ZC3H12C: variants seen among roughly 807,000 people sequenced by gnomAD.
The protein encoded by ZC3H12C is probable ribonuclease ZC3H12C.
A neutral mutation model predicts 76.3 loss-of-function variants in ZC3H12C; 20 were observed. The observed-to-expected ratio is 0.26, with a 90% confidence interval of 0.18 to 0.38. The LOEUF (loss-of-function observed/expected upper bound fraction) is 0.38, where lower values mean the gene tolerates loss of function less well. Among genes scored for constraint, ZC3H12C ranks in the 10% least tolerant of loss-of-function variants. The probability of loss-of-function intolerance (pLI) is 1.00; values close to 1 mark genes in which losing one functional copy is unlikely to be tolerated. For synonymous variants in ZC3H12C, 352 were observed against 399.6 expected (o/e 0.88, Z 1.42); for missense variants, 874 against 1,086.5 (o/e 0.80, Z 2.75).
At chr11:110,154,932 G>T (rs1322428082) in intron 3 of ZC3H12C, among the ~76,000 whole-genome samples, 1 of 147,262 alleles carries the variant, frequency 6.8e-6, no homozygotes, top group African/African-American at 2.5e-5. Flanking sequence ...AAGAAAAAAA[G>T]TTCAACCCCA....
chr11:110,168,206 C>T lies in ZC3H12C; in HGVS notation c.*2469C>T, dbSNP rs1258553602. On this transcript the variant is annotated 3_prime_UTR_variant, in exon 6 of 6. Coordinates refer to ENST00000278590, the MANE Select transcript of ZC3H12C (RefSeq NM_033390.2). The stretch of plus-strand genomic sequence containing the variant: ...TTTAAATTATGGGAAAATAGTGTAG[C>T]CAGCTGCCACCTCTACTGAAGTGAG... 1.3e-5 allele frequency: 2 copies of T among 152,038 alleles called. No homozygotes were observed. Among genetic ancestry groups the T allele is most frequent in the Admixed American group, 1.3e-4 (2 of 15,258 alleles). 9.4% of individuals were successfully genotyped at this position (152,038 alleles called of 1,614,324 possible).
At chr11:110,118,053 T>TTA (rs886546174) in intron 1 of ZC3H12C, among the ~76,000 whole-genome samples, 1 of 74,394 alleles carries the variant, frequency 1.3e-5, no homozygotes, top group African/African-American at 5.1e-5. Flanking sequence ...CACATATATA[T>TTA]TATATATATA....
chr11:110,094,574 A>G (rs74840329), intron 1 of ZC3H12C, among the ~76,000 whole-genome samples: 3,858 of 152,364 alleles, frequency 0.025, 75 homozygotes, highest in Non-Finnish European at 0.039. Flanking sequence ...TAATGGACTT[A>G]GGATTTAGAG....
intron 1 of ZC3H12C, among the ~76,000 whole-genome samples, chr11:110,101,255 GT>G (rs1861208741): frequency 6.6e-6 from 1 of 152,168 alleles, no homozygotes; most frequent in African/African-American, 2.4e-5. Flanking sequence ...GGTTCGTGAA[GT>G]TTAAGGAAAA....
At chr11:110,093,470 G>A (rs1335459430) in intron 1 of ZC3H12C, 38 bp downstream of exon 1, 2 of 1,194,290 alleles carry the variant, frequency 1.7e-6, no homozygotes, top group Non-Finnish European at 2.1e-6. Context: ...CGCGGACCGC[G>A]GCGAGAGTGG....
intron 1 of ZC3H12C, chr11:110,135,801 A>G (rs1430675196): frequency 6.9e-6 from 1 of 145,296 alleles, no homozygotes; most frequent in African/African-American, 2.5e-5. Context: ...ATTATCTAAT[A>G]TGCCTAATTG....
In ZC3H12C at chr11:110,164,300, G is replaced by T; in HGVS notation, c.1256-41G>T. The T allele has an allele frequency of 6.7e-7, 1 of 1,498,512 alleles. No homozygotes were observed. The allele number at this position is 1,498,512 out of a possible 1,614,324, so 92.8% of individuals were successfully genotyped here. A position where few individuals can be genotyped will look rare whatever the true frequency, so the allele number is the denominator to read the frequency against. On this transcript the variant is annotated intron_variant, in intron 5 of 5. Transcript: ENST00000278590. The surrounding 1 kb of genome is among the most constrained non-coding windows in gnomAD (Gnocchi z 5.7). ...GGGCCAAACTGAGTTTTCAGGATCT[G>T]ATGGTATGCTCCTTTGCCTAATTAA...
chr11:110,161,440 G>T (rs1310024723), intron 4 of ZC3H12C, among the ~76,000 whole-genome samples: 1 of 152,176 alleles, frequency 6.6e-6, no homozygotes. Flanking sequence ...ATGAACGAAT[G>T]ACATCAAGCA....
At position 110,099,178 on chromosome 11, in the gene ZC3H12C, A is replaced by G. The variant is rs565419246; in HGVS notation, c.21+5746A>G. On this transcript the variant is annotated intron_variant, in intron 1 of 5. Coordinates refer to ENST00000278590, the MANE Select transcript of ZC3H12C (RefSeq NM_033390.2). ...TTTTTCCCAGTATTTTAATATTATA[A>G]TGCTTTAGTTGACTAGCCCAGTGAA... Among the ~76,000 whole-genome samples, 26 of 152,304 alleles carry G rather than the reference A, an allele frequency of 1.7e-4. No homozygotes were observed. In the South Asian group the frequency reaches 2.5e-3, roughly 15 times the overall value.
chr11:110,144,326 C>T (rs376647989), intron 2 of ZC3H12C, among the ~76,000 whole-genome samples: 12 of 152,180 alleles, frequency 7.9e-5, no homozygotes, highest in Non-Finnish European at 1.3e-4. Flanking sequence ...CGATATGCCA[C>T]GCACTTGGCT....
intron 2 of ZC3H12C, among the ~76,000 whole-genome samples, chr11:110,150,299 A>C (rs1459415956): frequency 6.6e-6 from 1 of 152,070 alleles, no homozygotes; most frequent in East Asian, 1.9e-4. Context: ...CCATAAAAAT[A>C]GTATATTGTT....
intron 2 of ZC3H12C, among the ~76,000 whole-genome samples, chr11:110,140,075 G>T (rs1302255699): frequency 6.6e-6 from 1 of 152,142 alleles, no homozygotes; most frequent in Non-Finnish European, 1.5e-5. Context: ...GCCAAGGCAG[G>T]TGGATCACTT....
chr11:110,105,645 T>G (rs1861309007), intron 1 of ZC3H12C, among the ~76,000 whole-genome samples: 1 of 152,134 alleles, frequency 6.6e-6, no homozygotes, highest in African/African-American at 2.4e-5. Flanking sequence ...TTATAATTCT[T>G]TTTTTCATCT....
At chr11:110,148,856 GC>G (rs1265576714) in intron 2 of ZC3H12C, among the ~76,000 whole-genome samples, 4 of 152,158 alleles carry the variant, frequency 2.6e-5, no homozygotes, top group African/African-American at 9.7e-5. Flanking sequence ...TAGTTCATTT[GC>G]ATCAGTAGCT....
chr11:110,099,536 A>G (rs531167496), intron 1 of ZC3H12C, among the ~76,000 whole-genome samples: 1 of 152,322 alleles, frequency 6.6e-6, no homozygotes, highest in East Asian at 1.9e-4. Context: ...AAATCTCCTT[A>G]CTGAGAAATA....
Position 110,164,293 on chromosome 11 carries a change from A to G in ZC3H12C, c.1256-48A>G, listed in dbSNP as rs1396899554. 1 of 1,476,190 alleles carries G rather than the reference A, an allele frequency of 6.8e-7. No homozygotes were observed. The highest frequency in any genetic ancestry group is 1.4e-5 in the African/African-American group (1 of 70,910). 91.4% of individuals were successfully genotyped at this position (1,476,190 alleles called of 1,614,324 possible). The stretch of plus-strand genomic sequence containing the variant: ...AATCATAGGGCCAAACTGAGTTTTC[A>G]GGATCTGATGGTATGCTCCTTTGCC... On this transcript the variant is annotated intron_variant, in intron 5 of 5. Transcript: ENST00000278590. The surrounding 1 kb of genome is among the most constrained non-coding windows in gnomAD (Gnocchi z 5.7).
chr11:110,151,813 CTT>C (rs1218675715), intron 2 of ZC3H12C, among the ~76,000 whole-genome samples: 4 of 152,124 alleles, frequency 2.6e-5, no homozygotes, highest in African/African-American at 9.7e-5. Context: ...TGTATTTTCT[CTT>C]GTTTGTATTT....
At position 110,164,024 on chromosome 11, in the gene ZC3H12C, C is replaced by G. The variant is rs886879563; in HGVS notation, c.1256-317C>G. Among the ~76,000 whole-genome samples, 3 of 151,826 alleles carry G rather than the reference C, an allele frequency of 2.0e-5. No homozygotes were observed. On this transcript the variant is annotated intron_variant, in intron 5 of 5. Coordinates refer to ENST00000278590, the MANE Select transcript of ZC3H12C (RefSeq NM_033390.2). This position sits in a 1 kb window ranked among gnomAD's most constrained non-coding sequence, Gnocchi z 5.7. ...CCGAGGCATAAGAATTGCTTGAACC[C>G]GAGAGGCAGAGGTTGCAGTGAGCTG...
At position 110,164,991 on chromosome 11, in the gene ZC3H12C, A is replaced by T. The variant is rs1274046571; in HGVS notation, c.1906A>T (p.Ser636Cys). 6.2e-7 allele frequency: 1 copy of T among 1,614,008 alleles called. No individual in the cohort carries two copies. Residue 636 changes from serine (S) to cysteine (C), a missense_variant, in exon 6 of 6, where the codon AGC (serine) becomes TGC (cysteine). Ser to Cys is a moderately radical substitution (Grantham distance 112). Around this residue, in one of 3 missense-constraint regions of ZC3H12C, gnomAD observed 395 missense variants for 434.4 expected, o/e 0.91. Coordinates refer to ENST00000278590, the MANE Select transcript of ZC3H12C (RefSeq NM_033390.2). The surrounding 1 kb of genome is among the most constrained non-coding windows in gnomAD (Gnocchi z 5.7). ...CAGTGAAGGGAGCATGAGCTGTGGGAGCAGTGACTCCTACGTGGGTTACAA... is the reference window on the plus strand; with the variant it reads ...CAGTGAAGGGAGCATGAGCTGTGGGTGCAGTGACTCCTACGTGGGTTACAA... ...CSSEGSMSCG[S>C]SDSYVGYNDR...
Sources: gnomAD v4.1 joint callset for allele counts (sites outside exome capture counted in the v4.1 genomes callset) on GRCh38, gnomAD v4.1.1 for gene constraint, gnomAD v4.1.1 regional missense constraint, Gnocchi (gnomAD v3.1) non-coding constraint, MANE v1.5 for transcripts, NCBI Gene and HGNC (gene_info 2026-07-23, HGNC 2026-07-21) for gene names.